The following NCOA2 variants were observed in gnomAD, a reference collection of about 807,000 sequenced individuals.
The protein encoded by NCOA2 is nuclear receptor coactivator 2.
A neutral mutation model predicts 145.1 loss-of-function variants in NCOA2; 21 were observed. The observed-to-expected ratio is 0.14, with a 90% CI of 0.10 to 0.21. The LOEUF (loss-of-function observed/expected upper bound fraction) is 0.21, where lower values mean the gene tolerates loss of function less well. Among genes scored for constraint, NCOA2 ranks in the 10% least tolerant of loss-of-function variants. The pLI, the probability that NCOA2 is intolerant of heterozygous loss-of-function variation, is 1.00. For missense variants in NCOA2, 1,472 were observed against 1,837.6 expected (o/e 0.80, Z 3.64); for synonymous variants, 619 against 637.5 (o/e 0.97, Z 0.44).
intron 4 of NCOA2, among the ~76,000 whole-genome samples, chr8:70,201,925 C>A (rs1817937328): frequency 6.6e-6 from 1 of 152,158 alleles, no homozygotes. Context: ...CCTTCCTGTA[C>A]CTTAGAATCT....
chr8:70,333,142 T>C (rs760612902), intron 1 of NCOA2, among the ~76,000 whole-genome samples: 7 of 152,216 alleles, frequency 4.6e-5, no homozygotes, highest in Non-Finnish European at 1.0e-4. Flanking sequence ...ATTATGTAGT[T>C]GCAGCATTTA....
intron 1 of NCOA2, among the ~76,000 whole-genome samples, chr8:70,297,667 T>C (rs183796939): frequency 1.3e-5 from 2 of 152,176 alleles, no homozygotes; most frequent in Admixed American, 6.5e-5. Context: ...AATGATGTTA[T>C]AATAACCAAG....
At chr8:70,132,139 A>G in intron 15 of NCOA2, 137 bp from the exon 16 acceptor site, 1 of 820,846 alleles carries the variant, frequency 1.2e-6, no homozygotes, top group East Asian at 2.7e-5. Context: ...TCAACACAGA[A>G]CAAAAGGACA....
chr8:70,429,202 T>C, the NCOA2 span, among the ~76,000 whole-genome samples: 69 of 152,238 alleles, frequency 4.5e-4, no homozygotes, highest in African/African-American at 1.5e-3. Context: ...CTTTCATTTA[T>C]GTTTGAAGCC....
chr8:70,452,496 G>A, the NCOA2 span, among the ~76,000 whole-genome samples: 83 of 152,216 alleles, frequency 5.5e-4, no homozygotes, highest in African/African-American at 2.0e-3. Flanking sequence ...TGTCCAGAAT[G>A]GGCAAATCCA....
the NCOA2 span, among the ~76,000 whole-genome samples, chr8:70,455,400 G>C: frequency 6.6e-5 from 10 of 152,198 alleles, no homozygotes; most frequent in Non-Finnish European, 1.0e-4. Context: ...AAGCTGCATA[G>C]CTTTAAATTT....
intron 2 of NCOA2, among the ~76,000 whole-genome samples, chr8:70,287,622 C>T (rs889071425): frequency 1.3e-5 from 2 of 152,132 alleles, no homozygotes; most frequent in Non-Finnish European, 2.9e-5. Flanking sequence ...AACACACATC[C>T]TATTGAAAGC....
the NCOA2 span, among the ~76,000 whole-genome samples, chr8:70,445,398 AT>A: frequency 2.0e-5 from 3 of 152,074 alleles, no homozygotes; most frequent in Non-Finnish European, 4.4e-5. Flanking sequence ...TGTATAATCA[AT>A]TTGCTCCCCT....
chr8:70,126,288 G>C (rs1010533130), intron 19 of NCOA2, among the ~76,000 whole-genome samples: 1 of 152,060 alleles, frequency 6.6e-6, no homozygotes, highest in Non-Finnish European at 1.5e-5. Context: ...GGACTAAAAG[G>C]TCTCCCACTG....
intron 2 of NCOA2, among the ~76,000 whole-genome samples, chr8:70,258,848 C>A (rs995773088): frequency 6.6e-6 from 1 of 152,152 alleles, no homozygotes; most frequent in Non-Finnish European, 1.5e-5. Flanking sequence ...TAACATAGTT[C>A]TTAACATATA....
At chr8:70,175,868 ATT>A (rs34885918) in intron 4 of NCOA2, among the ~76,000 whole-genome samples, 67 of 148,984 alleles carry the variant, frequency 4.5e-4, no homozygotes, top group African/African-American at 1.5e-3. Flanking sequence ...AACCTTAATA[ATT>A]TTTTTTTTTT....
chr8:70,414,928 CAA>C, the NCOA2 span, among the ~76,000 whole-genome samples: 2 of 150,320 alleles, frequency 1.3e-5, no homozygotes, highest in South Asian at 4.2e-4. Context: ...AGATAATGCA[CAA>C]AATGATAAAA....
chr8:70,235,844 A>C (rs953900674), intron 2 of NCOA2, among the ~76,000 whole-genome samples: 3 of 152,180 alleles, frequency 2.0e-5, no homozygotes, highest in African/African-American at 7.2e-5. Flanking sequence ...ACCTTGTCTC[A>C]AAAAACAAAT....
Position 70,403,680 on chromosome 8 carries a change from C to T in NCOA2, c.-77+20G>A, listed in dbSNP as rs1391540926. The T allele has an allele frequency of 2.6e-6, 1 of 385,540 alleles. No homozygotes were observed. The allele number at this position is 385,540 out of a possible 1,614,324, so 23.9% of individuals were successfully genotyped here. A position where few individuals can be genotyped will look rare whatever the true frequency, so the allele number is the denominator to read the frequency against. On this transcript the variant is annotated intron_variant, in intron 1 of 22. Coordinates refer to ENST00000452400, the MANE Select transcript of NCOA2 (RefSeq NM_006540.4). Reference sequence around the variant, plus strand: ...CCGCCCCCCGCCCGCCCTCGCGGCCCCGGGGGAAGGCGCGGTTACCGGCTC... The same window carrying T: ...CCGCCCCCCGCCCGCCCTCGCGGCCTCGGGGGAAGGCGCGGTTACCGGCTC...
chr8:70,315,140 G>A (rs1192121679), intron 1 of NCOA2, among the ~76,000 whole-genome samples: 1 of 152,148 alleles, frequency 6.6e-6, no homozygotes, highest in African/African-American at 2.4e-5. Flanking sequence ...TGATCATCTA[G>A]CTTGTTGATG....
At chr8:70,356,838 T>C (rs573997853) in intron 1 of NCOA2, among the ~76,000 whole-genome samples, 1 of 152,212 alleles carries the variant, frequency 6.6e-6, no homozygotes, top group Non-Finnish European at 1.5e-5. Context: ...ACCAAAATAT[T>C]TGATGGCATG....
intron 2 of NCOA2, among the ~76,000 whole-genome samples, chr8:70,227,117 G>A (rs4236984): frequency 0.75 from 114,616 of 152,150 alleles, 44,407 homozygotes; most frequent in Non-Finnish European, 0.84. Flanking sequence ...TCACCATGAG[G>A]CAGCCCTTTG....
chr8:70,336,952 AG>A (rs1167731464), intron 1 of NCOA2, among the ~76,000 whole-genome samples: 2 of 152,132 alleles, frequency 1.3e-5, no homozygotes, highest in Non-Finnish European at 2.9e-5. Context: ...GGAGAGGACT[AG>A]GGCACCACAA....
chr8:70,197,099 C>A (rs960409141), intron 4 of NCOA2, among the ~76,000 whole-genome samples: 2 of 152,056 alleles, frequency 1.3e-5, no homozygotes, highest in Non-Finnish European at 2.9e-5. Flanking sequence ...CTTAACGCTG[C>A]TAAAGAAAAA....
Sources: gnomAD v4.1 joint callset for allele counts (sites outside exome capture counted in the v4.1 genomes callset) on GRCh38, gnomAD v4.1.1 for gene constraint, MANE v1.5 for transcripts, NCBI Gene and HGNC (gene_info 2026-07-23, HGNC 2026-07-21) for gene names.